PCDH17: variants seen among roughly 807,000 people sequenced by gnomAD.
PCDH17 encodes the protein protocadherin-17.
A neutral mutation model predicts 67.7 loss-of-function variants in PCDH17; 21 were observed. The observed-to-expected ratio is 0.31, with a 90% CI of 0.22 to 0.45. The LOEUF is 0.45. PCDH17 is among the 20% of genes least tolerant of loss of function. PCDH17 has a pLI of 1.00. For synonymous variants in PCDH17, 701 were observed against 656.7 expected (o/e 1.07, Z -1.03); for missense variants, 1,471 against 1,564.8 (o/e 0.94, Z 1.01).
At chr13:57,724,213 G>A (rs1477494818) in intron 3 of PCDH17, among the ~76,000 whole-genome samples, 5 of 152,060 alleles carry the variant, frequency 3.3e-5, no homozygotes, top group African/African-American at 1.2e-4. Flanking sequence ...TCCAGTTTTT[G>A]CCTTGTTATT....
At chr13:57,673,366 C>T (rs1488331046) in intron 3 of PCDH17, among the ~76,000 whole-genome samples, 2 of 152,058 alleles carry the variant, frequency 1.3e-5, no homozygotes, top group African/African-American at 4.8e-5. Flanking sequence ...TGTTACATTC[C>T]AGCCTTTGTT....
intron 3 of PCDH17, among the ~76,000 whole-genome samples, chr13:57,718,834 G>A (rs1459489759): frequency 2.0e-5 from 3 of 152,018 alleles, no homozygotes; most frequent in African/African-American, 7.2e-5. Context: ...ACATGCATGT[G>A]TGTGTAATTG....
At chr13:57,644,344 T>C (rs979191573) in intron 1 of PCDH17, among the ~76,000 whole-genome samples, 4 of 151,616 alleles carry the variant, frequency 2.6e-5, no homozygotes, top group African/African-American at 9.7e-5. Context: ...TATGCCTGAG[T>C]GGAGAGAAAC....
intron 3 of PCDH17, among the ~76,000 whole-genome samples, chr13:57,669,630 A>G (rs1955296517): frequency 6.6e-6 from 1 of 152,082 alleles, no homozygotes; most frequent in South Asian, 2.1e-4. Flanking sequence ...AACAATTTCA[A>G]CATTAGGTTG....
At chr13:57,707,314 CTTTG>C (rs766166986) in intron 3 of PCDH17, among the ~76,000 whole-genome samples, 4 of 146,884 alleles carry the variant, frequency 2.7e-5, no homozygotes, top group African/African-American at 7.6e-5. Context: ...TTCTCTGTAG[CTTTG>C]TTTGTGATAT....
chr13:57,649,858 T>A (rs1955014525), intron 1 of PCDH17, among the ~76,000 whole-genome samples: 1 of 152,174 alleles, frequency 6.6e-6, no homozygotes, highest in Admixed American at 6.6e-5. Flanking sequence ...GTCTTTTTTA[T>A]ATTAAGTATA....
chr13:57,634,823 G>T lies in PCDH17; in HGVS notation c.2277G>T (p.Lys759Asn). 1 of 1,614,104 alleles carries T rather than the reference G, an allele frequency of 6.2e-7. No homozygotes were observed. The highest frequency in any genetic ancestry group is 8.5e-7 in the Non-Finnish European group (1 of 1,180,036). The change falls in exon 1 of 4, where the codon AAG (lysine) becomes AAT (asparagine). Residue 759 changes from lysine (K) to asparagine (N), a missense_variant. Lys to Asn is a moderately conservative substitution (Grantham distance 94, BLOSUM62 0). Transcript: ENST00000377918. The surrounding 1 kb of genome is among the most constrained non-coding windows in gnomAD (Gnocchi z 7.8). ...HPQLGGGKGK[K>N]KKINKNDIML... Reference sequence around the variant, plus strand: ...AGCTGGGTGGGGGCAAGGGCAAGAAGAAGAAGATCAACAAAAATGATATCA... The same window carrying T: ...AGCTGGGTGGGGGCAAGGGCAAGAATAAGAAGATCAACAAAAATGATATCA...
intron 3 of PCDH17, among the ~76,000 whole-genome samples, chr13:57,712,800 GTC>G (rs1251565342): frequency 6.6e-6 from 1 of 151,476 alleles, no homozygotes; most frequent in African/African-American, 2.4e-5. Flanking sequence ...CAGATTAAAA[GTC>G]TGAAAATAAA....
chr13:57,690,979 G>C (rs1955553279), intron 3 of PCDH17, among the ~76,000 whole-genome samples: 1 of 151,330 alleles, frequency 6.6e-6, no homozygotes, highest in South Asian at 2.1e-4. Flanking sequence ...TCATTTTACA[G>C]ACATTTAAAT....
chr13:57,686,536 A>G (rs1364854475), intron 3 of PCDH17, among the ~76,000 whole-genome samples: 1 of 151,994 alleles, frequency 6.6e-6, no homozygotes, highest in Non-Finnish European at 1.5e-5. Flanking sequence ...AGTGATATGA[A>G]CCAGAATTTA....
At chr13:57,685,383 A>G (rs1174068245) in intron 3 of PCDH17, among the ~76,000 whole-genome samples, 11 of 151,976 alleles carry the variant, frequency 7.2e-5, no homozygotes. Flanking sequence ...TCTCAAATAT[A>G]GTTTGCATTG....
chr13:57,632,349 G>T lies in PCDH17; in HGVS notation c.-198G>T. On this transcript the variant is annotated 5_prime_UTR_variant, in exon 1 of 4. The change abolishes the stop of an existing upstream ORF in the 5' untranslated region. Coordinates refer to ENST00000377918, the MANE Select transcript of PCDH17 (RefSeq NM_001040429.3). ...CTTCTCACCCAGTGCGGATGCTGTA[G>T]ATCAACAGGTTCAGGGAACTTGAGC... 1 of 606,862 alleles carries T rather than the reference G, an allele frequency of 1.6e-6. No individual in the cohort carries two copies. Among genetic ancestry groups the T allele is most frequent in the South Asian group, 2.1e-5 (1 of 48,462 alleles). 37.6% of individuals were successfully genotyped at this position (606,862 alleles called of 1,614,324 possible). A position where few individuals can be genotyped will look rare whatever the true frequency, so the allele number is the denominator to read the frequency against.
chr13:57,656,715 A>C (rs1439566986), intron 1 of PCDH17, among the ~76,000 whole-genome samples: 4 of 152,166 alleles, frequency 2.6e-5, no homozygotes, highest in African/African-American at 9.6e-5. Flanking sequence ...ATAGCAAAAA[A>C]CAGAAAAGAA....
In PCDH17 at chr13:57,725,398, A is replaced by G. The variant is rs375470282; in HGVS notation, c.*104A>G. ...ATTTTACAGGGATGAAGAAAGACCA[A>G]TGCTGCTTTAAGGCTTTTAGTGAAC... On this transcript the variant is annotated 3_prime_UTR_variant, in exon 4 of 4. Coordinates refer to ENST00000377918, the MANE Select transcript of PCDH17 (RefSeq NM_001040429.3). 3.0e-6 allele frequency: 3 copies of G among 998,350 alleles called. No individual in the cohort carries two copies. Among genetic ancestry groups the G allele is most frequent in the South Asian group, 1.6e-5 (1 of 60,770 alleles). 61.8% of individuals were successfully genotyped at this position (998,350 alleles called of 1,614,324 possible). A position where few individuals can be genotyped will look rare whatever the true frequency, so the allele number is the denominator to read the frequency against.
intron 1 of PCDH17, among the ~76,000 whole-genome samples, chr13:57,641,592 A>G (rs1303005389): frequency 1.0e-5 from 1 of 96,466 alleles, no homozygotes; most frequent in Non-Finnish European, 2.1e-5. Context: ...AAAAAAATAT[A>G]TATATATATA....
In PCDH17 at chr13:57,634,411, G is replaced by T. The variant is rs759251217; in HGVS notation, c.1865G>T (p.Arg622Leu). The T allele has an allele frequency of 1.1e-5, 18 of 1,612,638 alleles. No individual in the cohort carries two copies. The highest frequency in any genetic ancestry group is 2.7e-5 in the African/African-American group (2 of 74,906). ...GACAGCGACTTCGGCGAGAGCGGGC[G>T]TCTCACCTACGAGATCGTGGACGGC... is the stretch of plus-strand genomic sequence containing the variant. ...ALDSDFGESG[R>L]LTYEIVDGND... The change falls in exon 1 of 4, where the codon CGT becomes CTT. Residue 622 changes from arginine (R) to leucine (L), a missense_variant. Physicochemically the swap from Arg to Leu is moderately radical, Grantham distance 102. Transcript: ENST00000377918. This position sits in a 1 kb window ranked among gnomAD's most constrained non-coding sequence, Gnocchi z 7.8.
intron 1 of PCDH17, among the ~76,000 whole-genome samples, chr13:57,655,964 G>T (rs976934855): frequency 1.3e-5 from 2 of 151,912 alleles, no homozygotes; most frequent in South Asian, 4.2e-4. Flanking sequence ...TCTCAGAGAG[G>T]CAGTACAGCA....
intron 3 of PCDH17, among the ~76,000 whole-genome samples, chr13:57,673,839 A>G (rs1453588662): frequency 2.0e-5 from 3 of 151,908 alleles, no homozygotes; most frequent in African/African-American, 7.2e-5. Context: ...CTCAGTGTCA[A>G]TTTTCCCACC....
At chr13:57,655,078 A>C (rs1403531804) in intron 1 of PCDH17, among the ~76,000 whole-genome samples, 5 of 152,016 alleles carry the variant, frequency 3.3e-5, no homozygotes, top group African/African-American at 1.2e-4. Context: ...ATAGTCATAA[A>C]AAAGTAAAAA....
Sources: gnomAD v4.1 joint callset for allele counts (sites outside exome capture counted in the v4.1 genomes callset) on GRCh38, gnomAD v4.1.1 for gene constraint, Gnocchi (gnomAD v3.1) non-coding constraint, MANE v1.5 for transcripts, NCBI Gene and HGNC (gene_info 2026-07-23, HGNC 2026-07-21) for gene names.